Variants in FOXK2 observed in about 807,000 individuals in gnomAD.
FOXK2 encodes forkhead box protein K2.
Under a neutral mutation model 53.3 loss-of-function variants are expected in FOXK2, and 24 were observed. The ratio of observed to expected loss-of-function variants is 0.45; its 90% CI spans 0.33 to 0.63. FOXK2 has a LOEUF of 0.63. FOXK2 is among the 30% of genes least tolerant of loss of function. FOXK2 has a pLI of 0.03. For synonymous variants in FOXK2, 505 were observed against 407.1 expected (o/e 1.24, Z -2.89); for missense variants, 952 against 910.5 (o/e 1.05, Z -0.59).
chr17:82,570,337 C>T (rs905800402), intron 3 of FOXK2, among the ~76,000 whole-genome samples: 1 of 152,114 alleles, frequency 6.6e-6, no homozygotes, highest in Non-Finnish European at 1.5e-5. Flanking sequence ...TACAAAAATA[C>T]CAAAAATTAG....
intron 1 of FOXK2, among the ~76,000 whole-genome samples, chr17:82,549,363 C>G (rs1176106964): frequency 2.0e-5 from 3 of 151,618 alleles, no homozygotes; most frequent in Non-Finnish European, 2.9e-5. Flanking sequence ...CTCCTTATTA[C>G]AGTTACAGTA....
At chr17:82,582,190 A>G (rs2045071878) in intron 4 of FOXK2, among the ~76,000 whole-genome samples, 1 of 152,234 alleles carries the variant, frequency 6.6e-6, no homozygotes, top group South Asian at 2.1e-4. Flanking sequence ...TTGGCAGCTA[A>G]GTCATTGCCT....
chr17:82,581,058 G>C (rs143735519), intron 4 of FOXK2, among the ~76,000 whole-genome samples: 2 of 152,240 alleles, frequency 1.3e-5, no homozygotes. Context: ...CACCTTTGAC[G>C]ATTTGAAATT....
intron 1 of FOXK2, among the ~76,000 whole-genome samples, chr17:82,560,547 T>C (rs1266113705): frequency 1.3e-5 from 2 of 152,256 alleles, no homozygotes; most frequent in East Asian, 3.8e-4. Flanking sequence ...TGCTGTCTTT[T>C]GTTTGACTGA....
At chr17:82,552,987 G>T (rs1189827534) in intron 1 of FOXK2, among the ~76,000 whole-genome samples, 1 of 152,262 alleles carries the variant, frequency 6.6e-6, no homozygotes, top group African/African-American at 2.4e-5. Context: ...CGAGGCTGCA[G>T]TGCAGTGACA....
rs968123919 is a variant in FOXK2 at position 82,604,115 on chromosome 17, C to T, written c.*2616C>T. The T allele has an allele frequency of 6.6e-6, 1 of 152,308 alleles. No individual in the cohort carries two copies. Among genetic ancestry groups the T allele is most frequent in the Non-Finnish European group, 1.5e-5 (1 of 68,092 alleles). The allele number at this position is 152,308 out of a possible 1,614,324, so 9.4% of individuals were successfully genotyped here. A position where few individuals can be genotyped will look rare whatever the true frequency, so the allele number is the denominator to read the frequency against. ...CGTCGCTGTGAACTCCCGCTCTCCA[C>T]TGTGTTCCTCAGTGTCTGCTTTTCA... On this transcript the variant is annotated 3_prime_UTR_variant, in exon 9 of 9. Coordinates refer to ENST00000335255, the MANE Select transcript of FOXK2 (RefSeq NM_004514.4).
At position 82,601,456 on chromosome 17, in the gene FOXK2, A is replaced by G. The variant is rs752202521; in HGVS notation, c.1940A>G (p.Asp647Gly). Residue 647 changes from aspartate (D) to glycine (G), a missense_variant, in exon 9 of 9, where the codon GAC (aspartate) becomes GGC (glycine). Around this residue, in one of 5 missense-constraint regions of FOXK2, gnomAD observed 551 missense variants for 385.1 expected, o/e 1.43. Coordinates refer to ENST00000335255, the MANE Select transcript of FOXK2 (RefSeq NM_004514.4). ...GEGIVIALSVDTPPAAVREKG... is the reference protein window; with the variant it reads ...GEGIVIALSVGTPPAAVREKG... ...GGCATCGTCATTGCCCTGAGCGTGG[A>G]CACGCCACCGGCAGCCGTAAGGGAA... is the stretch of plus-strand genomic sequence containing the variant. The G allele has an allele frequency of 6.2e-7, 1 of 1,612,098 alleles. No individual in the cohort carries two copies. The highest frequency in any genetic ancestry group is 1.1e-5 in the South Asian group (1 of 91,076).
chr17:82,520,826 C>T (rs2044354050), intron 1 of FOXK2, among the ~76,000 whole-genome samples: 1 of 152,150 alleles, frequency 6.6e-6, no homozygotes, highest in South Asian at 2.1e-4. Context: ...TCCTTTTTCC[C>T]TGCCGTGTTT....
intron 4 of FOXK2, 111 bp downstream of exon 4, chr17:82,571,981 G>A: frequency 9.3e-7 from 1 of 1,070,148 alleles, no homozygotes. Context: ...AGGGGGGGTT[G>A]GAGCCTCCCG....
At position 82,586,156 on chromosome 17, in the gene FOXK2, C is replaced by T. The variant is rs1567984607; in HGVS notation, c.1532C>T (p.Pro511Leu). The T allele has an allele frequency of 1.2e-6, 2 of 1,612,046 alleles. No homozygotes were observed. Among genetic ancestry groups the T allele is most frequent in the Non-Finnish European group, 1.7e-6 (2 of 1,179,782 alleles). The change falls in exon 7 of 9, where the codon CCT becomes CTT. Residue 511 changes from proline (P) to leucine (L), a missense_variant. Physicochemically the swap from Pro to Leu is moderately conservative, Grantham distance 98. Coordinates refer to ENST00000335255, the MANE Select transcript of FOXK2 (RefSeq NM_004514.4). The part of the protein sequence containing the change: ...VVTPAAVLAP[P>L]KAEAQENGDH... ...ACCCCGGCAGCCGTGCTGGCCCCTCCTAAGGCAGAGGCCCAGGAGAATGGA... is the reference window on the plus strand; with the variant it reads ...ACCCCGGCAGCCGTGCTGGCCCCTCTTAAGGCAGAGGCCCAGGAGAATGGA...
At chr17:82,529,521 C>T (rs982762170) in intron 1 of FOXK2, among the ~76,000 whole-genome samples, 1 of 151,948 alleles carries the variant, frequency 6.6e-6, no homozygotes, top group African/African-American at 2.4e-5. Flanking sequence ...TCCTGAGTAC[C>T]TGGGATTACA....
Position 82,602,082 on chromosome 17 carries a change from CCTTTT to C in FOXK2, c.*584_*588del, listed in dbSNP as rs952486625. 4 of 152,462 alleles carry C rather than the reference CCTTTT, an allele frequency of 2.6e-5. No homozygotes were observed. Among genetic ancestry groups the C allele is most frequent in the African/African-American group, 9.7e-5 (4 of 41,426 alleles). 9.4% of individuals were successfully genotyped at this position (152,462 alleles called of 1,614,324 possible). On this transcript the variant is annotated 3_prime_UTR_variant, in exon 9 of 9. Transcript: ENST00000335255. Reference sequence around the variant, plus strand: ...TTGTTTTCAGCCTATGGAATGATTTCCTTTTGTCTGTCTTGTTCAAGTTCAGACGA... The same window carrying C: ...TTGTTTTCAGCCTATGGAATGATTTCGTCTGTCTTGTTCAAGTTCAGACGA...
chr17:82,570,999 T>C (rs1429994118), intron 3 of FOXK2, among the ~76,000 whole-genome samples: 2 of 151,944 alleles, frequency 1.3e-5, no homozygotes, highest in African/African-American at 2.4e-5. Context: ...TCCTTGTGGA[T>C]GGGTATTTGG....
chr17:82,551,144 C>T (rs1046093776), intron 1 of FOXK2, among the ~76,000 whole-genome samples: 3 of 151,308 alleles, frequency 2.0e-5, no homozygotes, highest in Admixed American at 2.0e-4. Context: ...GGTGAAACCC[C>T]GTCTCTACTA....
chr17:82,583,991 T>C, intron 5 of FOXK2, 22 bp from the exon 6 acceptor site: 1 of 1,566,850 alleles, frequency 6.4e-7, no homozygotes. Flanking sequence ...AACCATGCAA[T>C]GTCTTCTTCT....
At chr17:82,538,504 C>T (rs1462388555) in intron 1 of FOXK2, among the ~76,000 whole-genome samples, 1 of 152,186 alleles carries the variant, frequency 6.6e-6, no homozygotes, top group Admixed American at 6.5e-5. Context: ...CAACATTAAG[C>T]TCATTTTGTC....
At chr17:82,587,313 C>G in intron 8 of FOXK2, 41 bp downstream of exon 8, 9 of 1,493,404 alleles carry the variant, frequency 6.0e-6, no homozygotes, top group South Asian at 1.1e-5. Flanking sequence ...GCTGTGGGTA[C>G]TGGGAGCAGA....
chr17:82,535,855 G>A (rs1450288030), intron 1 of FOXK2, among the ~76,000 whole-genome samples: 3 of 150,446 alleles, frequency 2.0e-5, no homozygotes, highest in Non-Finnish European at 4.4e-5. Context: ...CGATTCTCCC[G>A]CCTCAGCCTC....
At chr17:82,544,773 G>A (rs931193825) in intron 1 of FOXK2, among the ~76,000 whole-genome samples, 2 of 152,090 alleles carry the variant, frequency 1.3e-5, no homozygotes, top group African/African-American at 4.8e-5. Flanking sequence ...TGGGAGGGGT[G>A]TGCAGAGTGA....
Sources: allele counts gnomAD v4.1 joint callset (sites outside exome capture counted in the v4.1 genomes callset), GRCh38; gene constraint gnomAD v4.1.1; regional missense constraint gnomAD v4.1.1; transcripts MANE v1.5; gene names NCBI Gene and HGNC (gene_info 2026-07-23, HGNC 2026-07-21).